Variants in CADPS2 observed in about 807,000 individuals in gnomAD.
CADPS2 encodes calcium-dependent secretion activator 2.
A neutral mutation model predicts 172.5 loss-of-function variants in CADPS2; 93 were observed. That is an observed-to-expected ratio of 0.54 (90% CI 0.46 to 0.64). CADPS2 has a LOEUF of 0.64. Among genes scored for constraint, CADPS2 ranks in the 30% least tolerant of loss-of-function variants. The probability of loss-of-function intolerance (pLI) is 0.00; values close to 1 mark genes in which losing one functional copy is unlikely to be tolerated. For missense variants in CADPS2, 1,420 were observed against 1,565.9 expected, an observed-to-expected ratio of 0.91 and a Z score of 1.57; for synonymous variants, 546 against 555.2, an observed-to-expected ratio of 0.98 and a Z score of 0.23.
At chr7:122,403,377 A>C (rs2046203147) in intron 20 of CADPS2, among the ~76,000 whole-genome samples, 1 of 152,142 alleles carries the variant, frequency 6.6e-6, no homozygotes, top group African/African-American at 2.4e-5. Flanking sequence ...GAAATAATTG[A>C]GGTTTTCTAA....
intron 1 of CADPS2, among the ~76,000 whole-genome samples, chr7:122,884,852 G>A (rs1429657654): frequency 6.6e-6 from 1 of 152,210 alleles, no homozygotes; most frequent in Non-Finnish European, 1.5e-5. Flanking sequence ...TTATCTAAAT[G>A]GGGGTAGGAG....
chr7:122,762,266 G>T (rs1005136196), intron 1 of CADPS2, among the ~76,000 whole-genome samples: 2 of 151,966 alleles, frequency 1.3e-5, no homozygotes, highest in East Asian at 1.9e-4. Flanking sequence ...AAGCTGGGCG[G>T]CAGTCCAACA....
intron 25 of CADPS2, among the ~76,000 whole-genome samples, chr7:122,366,046 G>T (rs997564254): frequency 1.3e-5 from 2 of 150,808 alleles, no homozygotes; most frequent in African/African-American, 4.9e-5. Context: ...CCCTAGTATG[G>T]CTGATAATGA....
chr7:122,335,964 C>T (rs751701484), intron 28 of CADPS2, among the ~76,000 whole-genome samples: 25 of 152,034 alleles, frequency 1.6e-4, no homozygotes, highest in Non-Finnish European at 3.1e-4. Context: ...AGGTGAGGTA[C>T]GGGTGAGAAC....
chr7:122,540,746 ACTTTCTT>A (rs2062828972), intron 8 of CADPS2, among the ~76,000 whole-genome samples: 1 of 152,078 alleles, frequency 6.6e-6, no homozygotes, highest in African/African-American at 2.4e-5. Flanking sequence ...CAGGATAAAC[ACTTTCTT>A]CTTTCTTCTC....
At chr7:122,747,871 T>A (rs530005210) in intron 1 of CADPS2, among the ~76,000 whole-genome samples, 1 of 152,132 alleles carries the variant, frequency 6.6e-6, no homozygotes, top group African/African-American at 2.4e-5. Flanking sequence ...TAGAATACCA[T>A]AGAACCTAAT....
intron 4 of CADPS2, among the ~76,000 whole-genome samples, chr7:122,626,941 G>T (rs1238711781): frequency 6.6e-6 from 1 of 152,170 alleles, no homozygotes; most frequent in African/African-American, 2.4e-5. Flanking sequence ...AAGTCAACAT[G>T]TCTCTTGAAA....
chr7:122,781,388 C>T (rs1792678463), intron 1 of CADPS2, among the ~76,000 whole-genome samples: 1 of 152,108 alleles, frequency 6.6e-6, no homozygotes, highest in Non-Finnish European at 1.5e-5. Context: ...ATTTGACAAA[C>T]TCAAATATTT....
intron 2 of CADPS2, among the ~76,000 whole-genome samples, chr7:122,693,523 G>C (rs1191440893): frequency 1.3e-5 from 2 of 152,158 alleles, no homozygotes; most frequent in Non-Finnish European, 2.9e-5. Context: ...AATACCCTGG[G>C]CAACTTCAAA....
intron 8 of CADPS2, among the ~76,000 whole-genome samples, chr7:122,543,487 A>C (rs1367349474): frequency 6.6e-6 from 1 of 152,116 alleles, no homozygotes; most frequent in African/African-American, 2.4e-5. Context: ...CTGACACATC[A>C]ATAAACATGT....
chr7:122,621,847 G>A, intron 4 of CADPS2, 130 bp from the exon 5 acceptor site: 1 of 610,060 alleles, frequency 1.6e-6, no homozygotes, highest in Admixed American at 3.3e-5. Flanking sequence ...TCCTACTTGA[G>A]TCACTAGGCT....
intron 9 of CADPS2, among the ~76,000 whole-genome samples, chr7:122,499,884 T>G (rs765487733): frequency 6.6e-6 from 1 of 152,080 alleles, no homozygotes; most frequent in African/African-American, 2.4e-5. Flanking sequence ...TGGAAGAATC[T>G]TAAAAACCTG....
At chr7:122,415,025 C>G (rs2047718796) in intron 18 of CADPS2, among the ~76,000 whole-genome samples, 1 of 152,150 alleles carries the variant, frequency 6.6e-6, no homozygotes, top group African/African-American at 2.4e-5. Context: ...TGTTAACAAA[C>G]TCATGGCTAT....
intron 1 of CADPS2, among the ~76,000 whole-genome samples, chr7:122,858,517 A>G (rs1204583973): frequency 6.6e-6 from 1 of 152,172 alleles, no homozygotes; most frequent in African/African-American, 2.4e-5. Flanking sequence ...ACATTCTCTG[A>G]GCAAATACAG....
intron 25 of CADPS2, among the ~76,000 whole-genome samples, chr7:122,367,583 C>T (rs1228253539): frequency 4.5e-5 from 5 of 112,200 alleles, no homozygotes; most frequent in Non-Finnish European, 8.6e-5. Context: ...CTTACTTTGT[C>T]ACCCAGGCTG....
At chr7:122,414,098 G>A (rs1396486111) in intron 18 of CADPS2, 22 bp from the exon 19 acceptor site, 5 of 1,526,610 alleles carry the variant, frequency 3.3e-6, no homozygotes, top group East Asian at 4.8e-5. Flanking sequence ...CAAGAATTTG[G>A]AAGCATTGCA....
chr7:122,627,420 A>G (rs537967281), intron 4 of CADPS2, among the ~76,000 whole-genome samples: 102 of 152,288 alleles, frequency 6.7e-4, no homozygotes, highest in Non-Finnish European at 1.2e-3. Context: ...TTTTAGAGGT[A>G]TATTTTGCTT....
rs986964139 is a variant in CADPS2, at chr7:122,318,848, A to G, written c.*1317T>C. 1 of 152,224 alleles carries G rather than the reference A, an allele frequency of 6.6e-6. No individual in the cohort carries two copies. The highest frequency in any genetic ancestry group is 1.5e-5 in the Non-Finnish European group (1 of 68,038). 9.4% of individuals were successfully genotyped at this position (152,224 alleles called of 1,614,324 possible). A position where few individuals can be genotyped will look rare whatever the true frequency, so the allele number is the denominator to read the frequency against. ...TGGAGGTCCAAGTTGTTTCATTTCT[A>G]AAGTTTCAGAATAAACGTTTTCATA... On this transcript the variant is annotated 3_prime_UTR_variant, in exon 30 of 30. Coordinates refer to ENST00000449022, the MANE Select transcript of CADPS2 (RefSeq NM_017954.11).
intron 14 of CADPS2, among the ~76,000 whole-genome samples, chr7:122,452,459 G>A (rs535427133): frequency 2.6e-5 from 4 of 152,284 alleles, no homozygotes; most frequent in Non-Finnish European, 5.9e-5. Context: ...GCAATGGCAC[G>A]ATCTTGGCTC....
Sources: gnomAD v4.1 joint callset for allele counts (sites outside exome capture counted in the v4.1 genomes callset) on GRCh38, gnomAD v4.1.1 for gene constraint, MANE v1.5 for transcripts, NCBI Gene and HGNC (gene_info 2026-07-23, HGNC 2026-07-21) for gene names.